Variants in TMEM26 observed in about 807,000 individuals in gnomAD.
The protein encoded by TMEM26 is transmembrane protein 26.
In TMEM26, 38 loss-of-function variants were observed where a neutral mutation model predicts 28.8. That is an observed-to-expected ratio of 1.32 (90% CI 1.02 to 1.73). The LOEUF (loss-of-function observed/expected upper bound fraction) is 1.73. Ranked by LOEUF, TMEM26 falls within the 40% of genes most tolerant of loss-of-function variation. The pLI is 0.00. For missense variants in TMEM26, 518 were observed against 447.1 expected (o/e 1.16, Z -1.43); for synonymous variants, 227 against 182.9 (o/e 1.24, Z -1.95).
intron 1 of TMEM26, among the ~76,000 whole-genome samples, chr10:61,443,570 G>A (rs1840131254): frequency 6.6e-6 from 1 of 151,992 alleles, no homozygotes; most frequent in Non-Finnish European, 1.5e-5. Flanking sequence ...AACTTCAAAT[G>A]GGTTGAGAAA....
intron 4 of TMEM26, among the ~76,000 whole-genome samples, chr10:61,420,957 C>T (rs896249443): frequency 7.9e-5 from 12 of 151,610 alleles, no homozygotes; most frequent in South Asian, 2.1e-4. Flanking sequence ...TATAGAACAA[C>T]AATTATAACA....
At chr10:61,431,484 C>T in intron 2 of TMEM26, 152 bp from the exon 3 acceptor site, 1 of 528,786 alleles carries the variant, frequency 1.9e-6, no homozygotes, top group Non-Finnish European at 3.3e-6. Context: ...GGAATATAGG[C>T]CTGAGATTGA....
At position 61,410,684 on chromosome 10, in the gene TMEM26, G is replaced by A. The variant is rs199650944; in HGVS notation, c.745C>T (p.Gln249Ter). ...ERGFPSLFFC[Q>*]YSADLWNIGI... is the part of the protein sequence containing the mutation. ...ATGTTCCACAGATCGGCACTGTACTGGCAAAAGAACAGGCTGGGGAATCCC... is the reference window on the plus strand; with the variant it reads ...ATGTTCCACAGATCGGCACTGTACTAGCAAAAGAACAGGCTGGGGAATCCC... Residue 249 changes from glutamine to a stop codon, truncating the protein, a stop_gained, in exon 6 of 6, where the codon CAG becomes TAG. Transcript: ENST00000399298. LOFTEE classifies it low-confidence loss of function (END_TRUNC). The A allele has an allele frequency of 9.9e-6, 16 of 1,614,090 alleles. No homozygotes were observed. Among genetic ancestry groups the A allele is most frequent in the Non-Finnish European group, 8.5e-7 (1 of 1,180,032 alleles).
intron 1 of TMEM26, among the ~76,000 whole-genome samples, chr10:61,448,944 T>G (rs1459154006): frequency 6.6e-6 from 1 of 152,222 alleles, no homozygotes; most frequent in African/African-American, 2.4e-5. Context: ...TTAGTAATTT[T>G]TTTCTATCCC....
At chr10:61,415,735 T>A (rs763145769) in intron 4 of TMEM26, among the ~76,000 whole-genome samples, 5 of 152,052 alleles carry the variant, frequency 3.3e-5, no homozygotes, top group Non-Finnish European at 5.9e-5. Context: ...TATTCTACAA[T>A]GTTCAGAACA....
chr10:61,430,126 C>A (rs1839897012), intron 3 of TMEM26, among the ~76,000 whole-genome samples: 2 of 151,600 alleles, frequency 1.3e-5, no homozygotes, highest in Admixed American at 6.6e-5. Flanking sequence ...ACAGGAAGCA[C>A]ATTAGTAGAG....
At chr10:61,434,309 C>T (rs1839968549) in intron 2 of TMEM26, among the ~76,000 whole-genome samples, 1 of 152,112 alleles carries the variant, frequency 6.6e-6, no homozygotes, top group Non-Finnish European at 1.5e-5. Context: ...CTGCTCGGGG[C>T]TCAAAAATCT....
At position 61,428,957 on chromosome 10, in the gene TMEM26, T is replaced by C. The variant is rs916087404; in HGVS notation, c.574A>G (p.Thr192Ala). 1 of 1,613,028 alleles carries C rather than the reference T, an allele frequency of 6.2e-7. No individual in the cohort carries two copies. Among genetic ancestry groups the C allele is most frequent in the Admixed American group, 1.7e-5 (1 of 59,888 alleles). The change falls in exon 4 of 6, where the codon ACA becomes GCA. Residue 192 changes from threonine (T) to alanine (A), a missense_variant. Physicochemically the swap from Thr to Ala is moderately conservative, Grantham distance 58. Coordinates refer to ENST00000399298, the MANE Select transcript of TMEM26 (RefSeq NM_178505.8). ...VGTAADILEF[T>A]SETLEEQNVR... ...TTTTGTTCTTCTAGGGTCTCACTTGTGAATTCCAGTATGTCAGCCGCTGTC... is the reference window on the plus strand; with the variant it reads ...TTTTGTTCTTCTAGGGTCTCACTTGCGAATTCCAGTATGTCAGCCGCTGTC...
chr10:61,413,574 T>C (rs753304637), intron 4 of TMEM26, 39 bp from the exon 5 acceptor site: 6 of 1,568,986 alleles, frequency 3.8e-6, no homozygotes, highest in Non-Finnish European at 4.3e-6. Flanking sequence ...TAATAAAAAG[T>C]ATGATCACAT....
At chr10:61,446,447 T>C (rs1488099208) in intron 1 of TMEM26, among the ~76,000 whole-genome samples, 1 of 152,174 alleles carries the variant, frequency 6.6e-6, no homozygotes, top group Admixed American at 6.5e-5. Context: ...ACAAAACTTT[T>C]GGTTTCCTAG....
At chr10:61,452,004 TATG>T (rs1840291638) in intron 1 of TMEM26, among the ~76,000 whole-genome samples, 1 of 142,882 alleles carries the variant, frequency 7.0e-6, no homozygotes, top group Admixed American at 7.0e-5. Context: ...TATATATATA[TATG>T]AAAACACATC....
intron 4 of TMEM26, among the ~76,000 whole-genome samples, chr10:61,422,935 G>A (rs1839772294): frequency 6.6e-6 from 1 of 151,978 alleles, no homozygotes; most frequent in Non-Finnish European, 1.5e-5. Context: ...AACCAAAAAA[G>A]TAAACATCAG....
chr10:61,446,586 C>G (rs1000030406), intron 1 of TMEM26, among the ~76,000 whole-genome samples: 1 of 151,842 alleles, frequency 6.6e-6, no homozygotes, highest in Non-Finnish European at 1.5e-5. Context: ...TTTGGGAGGC[C>G]GAGGTGGGCT....
intron 3 of TMEM26, 100 bp downstream of exon 3, chr10:61,431,119 A>T: frequency 1.1e-6 from 1 of 914,950 alleles, no homozygotes; most frequent in Non-Finnish European, 1.7e-6. Flanking sequence ...AACTTTCTTC[A>T]GGAAAGAATT....
intron 4 of TMEM26, among the ~76,000 whole-genome samples, chr10:61,421,860 A>G (rs926916866): frequency 6.6e-6 from 1 of 152,174 alleles, no homozygotes; most frequent in Non-Finnish European, 1.5e-5. Flanking sequence ...TTAAATCAAA[A>G]GACAAAAACT....
rs746933425 is a variant in TMEM26 at position 61,413,475 on chromosome 10, A to G, written c.666T>C (p.Phe222=). Residue 222 remains phenylalanine, a synonymous_variant, in exon 5 of 6, where the codon TTT becomes TTC. Transcript: ENST00000399298. ...LVIWTWSMLQ[F]PLDLAVQNVV... ...GATACTTACCTGCCAGGTCAAGTGG[A>G]AACTGCAGCATGCTCCAAGTCCATA... 35 of 1,612,990 alleles carry G rather than the reference A, an allele frequency of 2.2e-5. No homozygotes were observed. Among genetic ancestry groups the G allele is most frequent in the Non-Finnish European group, 2.9e-5 (34 of 1,179,362 alleles).
At position 61,411,079 on chromosome 10, in the gene TMEM26, G is replaced by C. The variant is rs183851678; in HGVS notation, c.683-333C>G. On this transcript the variant is annotated intron_variant, in intron 5 of 5. Transcript: ENST00000399298. ...TGTGAGGCTGAGGCTGCACCATGGG[G>C]GGAATAAAAAATAAAGGAAGCCACC... Among the ~76,000 whole-genome samples, 45 of 152,258 alleles carry C rather than the reference G, an allele frequency of 3.0e-4. 1 individual carries two copies. In the East Asian group the frequency reaches 8.5e-3, roughly 29 times the overall value.
chr10:61,445,969 A>C (rs1024243272), intron 1 of TMEM26, among the ~76,000 whole-genome samples: 5 of 152,128 alleles, frequency 3.3e-5, no homozygotes, highest in African/African-American at 1.2e-4. Context: ...GCCCATGCTA[A>C]TTTGTACTTT....
intron 4 of TMEM26, among the ~76,000 whole-genome samples, chr10:61,423,725 C>G (rs1279333622): frequency 6.6e-6 from 1 of 151,956 alleles, no homozygotes; most frequent in Non-Finnish European, 1.5e-5. Flanking sequence ...AGGGCAAGAC[C>G]CTGTCTCAAA....
Sources: gnomAD v4.1 joint callset for allele counts (sites outside exome capture counted in the v4.1 genomes callset) on GRCh38, gnomAD v4.1.1 for gene constraint, MANE v1.5 for transcripts, NCBI Gene and HGNC (gene_info 2026-07-23, HGNC 2026-07-21) for gene names.